Variants in SNX13 observed in about 807,000 individuals in gnomAD.
SNX13 encodes the protein sorting nexin-13.
A neutral mutation model predicts 133.6 loss-of-function variants in SNX13; 45 were observed. The ratio of observed to expected loss-of-function variants is 0.34; its 90% CI spans 0.27 to 0.43. The LOEUF is 0.43. SNX13 is among the 20% of genes least tolerant of loss of function. The probability of loss-of-function intolerance (pLI) is 1.00; values close to 1 mark genes in which losing one functional copy is unlikely to be tolerated. For synonymous variants in SNX13, 414 were observed against 373.9 expected, an observed-to-expected ratio of 1.11 and a Z score of -1.24; for missense variants, 1,032 against 1,145.1, an observed-to-expected ratio of 0.90 and a Z score of 1.43.
intron 8 of SNX13, among the ~76,000 whole-genome samples, chr7:17,871,728 T>C (rs1583565637): frequency 1.3e-5 from 2 of 152,212 alleles, no homozygotes; most frequent in Admixed American, 6.5e-5. Context: ...TGTTCTTTTT[T>C]ATTCAGAATT....
intron 20 of SNX13, 137 bp from the exon 21 acceptor site, chr7:17,803,717 A>C: frequency 1.3e-6 from 1 of 755,348 alleles, no homozygotes; most frequent in Non-Finnish European, 2.0e-6. Flanking sequence ...GTTACATTTT[A>C]AAAGTACAGA....
At chr7:17,799,256 G>T in intron 22 of SNX13, 102 bp from the exon 23 acceptor site, 1 of 981,522 alleles carries the variant, frequency 1.0e-6, no homozygotes. Flanking sequence ...ACAAGTCAGA[G>T]AACAAGTTAC....
chr7:17,920,441 A>C (rs537465455), intron 1 of SNX13, among the ~76,000 whole-genome samples: 114 of 152,338 alleles, frequency 7.5e-4, no homozygotes, highest in African/African-American at 2.7e-3. Flanking sequence ...AGTAGCTCTT[A>C]AAGCCTACAC....
intron 1 of SNX13, among the ~76,000 whole-genome samples, chr7:17,936,857 T>C (rs530548232): frequency 6.6e-4 from 98 of 148,450 alleles, no homozygotes; most frequent in African/African-American, 2.3e-3. Flanking sequence ...AAAGAAGGGA[T>C]AGAGGGAGAG....
intron 20 of SNX13, among the ~76,000 whole-genome samples, chr7:17,808,643 T>C (rs899222604): frequency 1.3e-5 from 2 of 152,072 alleles, no homozygotes; most frequent in African/African-American, 4.8e-5. Flanking sequence ...AACTCCAAGA[T>C]ACATAATTGT....
chr7:17,930,329 C>A (rs1426248418), intron 1 of SNX13, among the ~76,000 whole-genome samples: 2 of 152,062 alleles, frequency 1.3e-5, no homozygotes, highest in Admixed American at 6.6e-5. Flanking sequence ...AGATTCAAAT[C>A]CAAATAATCT....
At chr7:17,843,940 T>C (rs528513330) in intron 12 of SNX13, among the ~76,000 whole-genome samples, 43 of 152,014 alleles carry the variant, frequency 2.8e-4, no homozygotes, top group African/African-American at 9.4e-4. Context: ...ACCAAACTAA[T>C]GGGACACAGC....
intron 9 of SNX13, among the ~76,000 whole-genome samples, chr7:17,867,713 T>C (rs1166937623): frequency 1.3e-5 from 2 of 152,036 alleles, no homozygotes; most frequent in African/African-American, 2.4e-5. Flanking sequence ...TTAAGAAAGC[T>C]ACACTGAGTT....
rs1298225124 is a variant in SNX13, at chr7:17,821,395, A to G, written c.1845+114T>C. The G allele has an allele frequency of 6.6e-6, 7 of 1,064,182 alleles. No individual in the cohort carries two copies. In the East Asian group the frequency reaches 1.7e-4, roughly 26 times the overall value. The allele number at this position is 1,064,182 out of a possible 1,614,324, so 65.9% of individuals were successfully genotyped here. On this transcript the variant is annotated intron_variant, in intron 18 of 25. Transcript: ENST00000428135. ...TCTAAGATTTATGGTGATTATACCA[A>G]AAATTCTTACCTTATTTTTTTAATT...
chr7:17,799,805 A>C (rs1448320303), intron 22 of SNX13, among the ~76,000 whole-genome samples: 1 of 151,836 alleles, frequency 6.6e-6, no homozygotes, highest in Admixed American at 6.6e-5. Flanking sequence ...AGACGATCGG[A>C]ATGCTTTGAT....
intron 9 of SNX13, among the ~76,000 whole-genome samples, chr7:17,867,405 A>C (rs1168813768): frequency 6.6e-6 from 1 of 152,108 alleles, no homozygotes; most frequent in Admixed American, 6.5e-5. Flanking sequence ...TCAGGAGTTC[A>C]TGACTGGCTA....
At chr7:17,879,255 A>G (rs923645053) in intron 5 of SNX13, among the ~76,000 whole-genome samples, 1 of 152,136 alleles carries the variant, frequency 6.6e-6, no homozygotes, top group African/African-American at 2.4e-5. Context: ...CTGGAATGCC[A>G]TGACTCTTCA....
At chr7:17,863,082 T>A (rs1036835604) in intron 9 of SNX13, among the ~76,000 whole-genome samples, 3 of 152,184 alleles carry the variant, frequency 2.0e-5, no homozygotes, top group Non-Finnish European at 4.4e-5. Context: ...AGAACTGCTC[T>A]GTCACAGCAC....
chr7:17,876,441 A>T (rs1164818156), intron 5 of SNX13, among the ~76,000 whole-genome samples: 1 of 152,090 alleles, frequency 6.6e-6, no homozygotes, highest in Non-Finnish European at 1.5e-5. Context: ...TTAGCCAGGC[A>T]TGGTGGCATG....
rs536416397 is a variant in SNX13 at position 17,792,504 on chromosome 7, T to C, written c.*1541A>G. ...TTTATTCTGTTAATAACCCTCACTT[T>C]GTAAGTAGGATCTAAGTGAAAACAA... On this transcript the variant is annotated 3_prime_UTR_variant, in exon 26 of 26. Transcript: ENST00000428135. The C allele has an allele frequency of 5.9e-5, 9 of 152,562 alleles. No individual in the cohort carries two copies. The East Asian group carries it at 1.7e-3, about 30-fold the overall frequency. The allele number at this position is 152,562 out of a possible 1,614,324, so 9.5% of individuals were successfully genotyped here. A position where few individuals can be genotyped will look rare whatever the true frequency, so the allele number is the denominator to read the frequency against.
At chr7:17,854,480 CTG>C (rs1471235747) in intron 9 of SNX13, among the ~76,000 whole-genome samples, 1 of 152,092 alleles carries the variant, frequency 6.6e-6, no homozygotes, top group East Asian at 1.9e-4. Context: ...TTTTAACAAA[CTG>C]AAGTTTTCTA....
intron 23 of SNX13, 45 bp downstream of exon 23, chr7:17,798,964 T>A: frequency 6.4e-7 from 1 of 1,570,538 alleles, no homozygotes; most frequent in East Asian, 2.3e-5. Context: ...AAGAGTTTAA[T>A]AGCTAAGTAA....
intron 12 of SNX13, among the ~76,000 whole-genome samples, chr7:17,841,167 T>C (rs1481067314): frequency 6.6e-6 from 1 of 151,068 alleles, no homozygotes; most frequent in Non-Finnish European, 1.5e-5. Context: ...GCCTTTGTTG[T>C]TGCATATCTC....
At chr7:17,809,654 C>G (rs1034766129) in intron 20 of SNX13, among the ~76,000 whole-genome samples, 1 of 152,226 alleles carries the variant, frequency 6.6e-6, no homozygotes, top group African/African-American at 2.4e-5. Flanking sequence ...CACCCCAAGT[C>G]AACAGAACAT....
Sources: allele counts gnomAD v4.1 joint callset (sites outside exome capture counted in the v4.1 genomes callset), GRCh38; gene constraint gnomAD v4.1.1; transcripts MANE v1.5; gene names NCBI Gene and HGNC (gene_info 2026-07-23, HGNC 2026-07-21).